The following TXNDC11 variants were observed in gnomAD, a reference collection of about 807,000 sequenced individuals.
TXNDC11 encodes the protein thioredoxin domain containing 11.
TXNDC11 carries 68 observed loss-of-function variants against 78.0 expected under a neutral mutation model. That is an observed-to-expected ratio of 0.87 (90% CI 0.72 to 1.07). TXNDC11 has a LOEUF of 1.07. Ranked by LOEUF, TXNDC11 falls within the 50% of genes least tolerant of loss-of-function variation. The pLI is 0.00. For synonymous variants in TXNDC11, 571 were observed against 495.2 expected (o/e 1.15, Z -2.03); for missense variants, 1,389 against 1,221.8 (o/e 1.14, Z -2.04).
chr16:11,719,840 T>A (rs549211792), intron 5 of TXNDC11, among the ~76,000 whole-genome samples: 1 of 152,318 alleles, frequency 6.6e-6, no homozygotes, highest in East Asian at 1.9e-4. Flanking sequence ...GGTACCCAAG[T>A]TAGACTGGGG....
At chr16:11,695,912 G>T (rs1254762513) in intron 7 of TXNDC11, among the ~76,000 whole-genome samples, 1 of 151,948 alleles carries the variant, frequency 6.6e-6, no homozygotes, top group Non-Finnish European at 1.5e-5. Flanking sequence ...GCGTGCACCT[G>T]TAGTCCCAGC....
chr16:11,699,235 C>T (rs2050941497), intron 6 of TXNDC11, among the ~76,000 whole-genome samples: 1 of 111,016 alleles, frequency 9.0e-6, no homozygotes, highest in South Asian at 3.0e-4. Flanking sequence ...TAATCACTAC[C>T]AAATCGAAGC....
chr16:11,724,806 C>T (rs907976345), intron 4 of TXNDC11, among the ~76,000 whole-genome samples: 10 of 152,096 alleles, frequency 6.6e-5, no homozygotes, highest in Non-Finnish European at 1.5e-5. Context: ...CGTGCAGTGG[C>T]GTGATCTCCG....
chr16:11,679,730 G>C lies in TXNDC11; in HGVS notation c.2342C>G (p.Ala781Gly), dbSNP rs1242946552. ...SDPASSPQNV[A>G]NSPTKECLQS... ...AAGACACTCCTTGGTAGGAGAGTTA[G>C]CCACATTCTGGGGGCTGGAAGCAGG... The change falls in exon 12 of 12, where the codon GCT becomes GGT. Residue 781 changes from alanine (A) to glycine (G), a missense_variant. Ala to Gly is a moderately conservative substitution (Grantham distance 60, BLOSUM62 0). Coordinates refer to ENST00000283033, the MANE Select transcript of TXNDC11 (RefSeq NM_015914.7). This position sits in a 1 kb window ranked among gnomAD's most constrained non-coding sequence, Gnocchi z 4.6. 2.5e-6 allele frequency: 4 copies of C among 1,614,206 alleles called. No individual in the cohort carries two copies. In the East Asian group the frequency reaches 6.7e-5, roughly 27 times the overall value.
At position 11,689,303 on chromosome 16, in the gene TXNDC11, A is replaced by G. The variant is rs1052355915; in HGVS notation, c.1901-858T>C. Among the ~76,000 whole-genome samples, 3 of 152,268 alleles carry G rather than the reference A, an allele frequency of 2.0e-5. No homozygotes were observed. The South Asian group carries it at 6.2e-4, about 32-fold the overall frequency. ...TCTAACTCCCTCCATTTTGAGGTGC[A>G]ATGGGCAATGCAGCGTGCAGAATGG... On this transcript the variant is annotated intron_variant, in intron 8 of 11. Coordinates refer to ENST00000283033, the MANE Select transcript of TXNDC11 (RefSeq NM_015914.7).
At chr16:11,709,401 CCAT>C (rs1350219096) in intron 5 of TXNDC11, among the ~76,000 whole-genome samples, 1 of 150,166 alleles carries the variant, frequency 6.7e-6, no homozygotes, top group Non-Finnish European at 1.5e-5. Flanking sequence ...TACACCACCA[CCAT>C]GCGTAGCTAA....
chr16:11,724,739 G>A (rs1445293442), intron 4 of TXNDC11, among the ~76,000 whole-genome samples: 1 of 152,086 alleles, frequency 6.6e-6, no homozygotes, highest in Non-Finnish European at 1.5e-5. Flanking sequence ...ACTGAAGTAA[G>A]TAGAATTTCT....
intron 7 of TXNDC11, among the ~76,000 whole-genome samples, chr16:11,695,810 A>G (rs1376250953): frequency 6.6e-6 from 1 of 152,128 alleles, no homozygotes; most frequent in African/African-American, 2.4e-5. Context: ...AGGAAGACCG[A>G]TCGCTTGAGC....
At chr16:11,725,568 G>A (rs979039140) in intron 4 of TXNDC11, among the ~76,000 whole-genome samples, 3 of 152,308 alleles carry the variant, frequency 2.0e-5, no homozygotes, top group African/African-American at 7.2e-5. Context: ...AGGCTGGGCT[G>A]TCGTCCAGTC....
intron 10 of TXNDC11, among the ~76,000 whole-genome samples, chr16:11,685,920 G>GC (rs1351084557): frequency 6.6e-6 from 1 of 151,774 alleles, no homozygotes; most frequent in African/African-American, 2.4e-5. Context: ...GCTAAATAAG[G>GC]CCCCCCTTTC....
intron 4 of TXNDC11, among the ~76,000 whole-genome samples, chr16:11,726,364 C>T (rs951822068): frequency 1.3e-5 from 2 of 152,100 alleles, no homozygotes; most frequent in South Asian, 2.1e-4. Flanking sequence ...AGGCAGATCA[C>T]GAGGTCAAGA....
chr16:11,707,953 G>A (rs59192189), intron 5 of TXNDC11, among the ~76,000 whole-genome samples: 1,762 of 152,000 alleles, frequency 0.012, 36 homozygotes, highest in African/African-American at 0.039. Context: ...GCGTGATGAT[G>A]TAAGCCTATA....
intron 7 of TXNDC11, chr16:11,692,372 G>C (rs2050745313): frequency 3.0e-6 from 1 of 330,064 alleles, no homozygotes; most frequent in Non-Finnish European, 5.5e-6. Flanking sequence ...GCAGTTATCA[G>C]ATCAACTGTC....
chr16:11,726,678 T>C (rs1055785238), intron 4 of TXNDC11, among the ~76,000 whole-genome samples: 1 of 152,012 alleles, frequency 6.6e-6, no homozygotes, highest in Non-Finnish European at 1.5e-5. Context: ...CTTCTAAAAA[T>C]TAAAACCAAG....
rs1186807735 is a variant in TXNDC11, at chr16:11,742,514, C to G, written c.217G>C (p.Gly73Arg). The change falls in exon 1 of 12, where the codon GGC becomes CGC. Residue 73 changes from glycine to arginine, a missense_variant. Gly to Arg is a moderately radical substitution (Grantham distance 125). Transcript: ENST00000283033. ...PELLCGAVAL[G>R]CALLLALKFT... ...TTGAGGGCGAGGAGCAGCGCGCAGC[C>G]GAGCGCCACGGCCCCGCAGAGCAGC... 3.4e-6 allele frequency: 5 copies of G among 1,455,270 alleles called. No homozygotes were observed. The highest frequency in any genetic ancestry group is 4.5e-6 in the Non-Finnish European group (5 of 1,112,174). The allele number at this position is 1,455,270 out of a possible 1,614,324, so 90.1% of individuals were successfully genotyped here.
At chr16:11,681,585 G>A (rs565192867) in intron 11 of TXNDC11, among the ~76,000 whole-genome samples, 1 of 152,316 alleles carries the variant, frequency 6.6e-6, no homozygotes, top group African/African-American at 2.4e-5. Flanking sequence ...CTAACCCTGA[G>A]GGAGTGGCAG....
chr16:11,707,829 C>G (rs1217174343), intron 5 of TXNDC11, among the ~76,000 whole-genome samples: 1 of 151,950 alleles, frequency 6.6e-6, no homozygotes, highest in Non-Finnish European at 1.5e-5. Flanking sequence ...CATCTATAAT[C>G]TCAACAGTTT....
At chr16:11,684,413 C>T (rs1199057357) in intron 10 of TXNDC11, among the ~76,000 whole-genome samples, 168 bp from the exon 11 acceptor site, 1 of 152,124 alleles carries the variant, frequency 6.6e-6, no homozygotes, top group Non-Finnish European at 1.5e-5. Context: ...GCTGATACTT[C>T]CAAGACATAC....
At chr16:11,705,452 A>T (rs1373947127) in intron 5 of TXNDC11, among the ~76,000 whole-genome samples, 1 of 152,144 alleles carries the variant, frequency 6.6e-6, no homozygotes, top group Non-Finnish European at 1.5e-5. Context: ...CCAAAACACC[A>T]CTCTCCAGAA....
Sources: allele counts gnomAD v4.1 joint callset (sites outside exome capture counted in the v4.1 genomes callset), GRCh38; gene constraint gnomAD v4.1.1; non-coding constraint Gnocchi (gnomAD v3.1); transcripts MANE v1.5; gene names NCBI Gene and HGNC (gene_info 2026-07-23, HGNC 2026-07-21).